The following RIC1 variants were observed in gnomAD, a reference collection of about 807,000 sequenced individuals.
RIC1 encodes guanine nucleotide exchange factor subunit RIC1.
A neutral mutation model predicts 169.0 loss-of-function variants in RIC1; 88 were observed. The observed-to-expected ratio is 0.52, with a 90% CI of 0.44 to 0.62. RIC1 has a LOEUF of 0.62. Ranked by LOEUF, RIC1 falls within the 20% of genes least tolerant of loss-of-function variation. The probability of loss-of-function intolerance (pLI) is 0.00; values close to 1 mark genes in which losing one functional copy is unlikely to be tolerated. For missense variants in RIC1, 1,877 were observed against 1,725.5 expected (o/e 1.09, Z -1.56); for synonymous variants, 790 against 601.5 (o/e 1.31, Z -4.59).
rs559930847 is a variant in RIC1, at chr9:5,775,830, G to T, written c.*1584G>T. 1 of 152,176 alleles carries T rather than the reference G, an allele frequency of 6.6e-6. No individual in the cohort carries two copies. Among genetic ancestry groups the T allele is most frequent in the Admixed American group, 6.5e-5 (1 of 15,284 alleles). 9.4% of individuals were successfully genotyped at this position (152,176 alleles called of 1,614,324 possible). ...AAAATGAAACTCCCGAATGGGTGGA[G>T]TATGTGATTATTGGTACCTGGTCCT... On this transcript the variant is annotated 3_prime_UTR_variant, in exon 26 of 26. Coordinates refer to ENST00000414202, the MANE Select transcript of RIC1 (RefSeq NM_020829.4).
chr9:5,705,145 G>A (rs556113855), intron 3 of RIC1, among the ~76,000 whole-genome samples: 11 of 145,808 alleles, frequency 7.5e-5, no homozygotes, highest in Non-Finnish European at 1.5e-4. Flanking sequence ...GCTCTTCGGG[G>A]TTCCTTGCCT....
chr9:5,770,020 T>C (rs765618886), intron 22 of RIC1, 67 bp from the exon 23 acceptor site: 33 of 1,384,208 alleles, frequency 2.4e-5, no homozygotes, highest in African/African-American at 2.9e-5. Flanking sequence ...AAGAGCTGAA[T>C]TGAAAATGTC....
intron 3 of RIC1, among the ~76,000 whole-genome samples, chr9:5,705,691 C>A (rs1165074617): frequency 1.3e-5 from 2 of 152,166 alleles, no homozygotes; most frequent in Non-Finnish European, 2.9e-5. Context: ...GTGAGAGCAG[C>A]ATTCTTGTCT....
rs943083331 is a variant in RIC1 at position 5,738,332 on chromosome 9, G to C, written c.813-118G>C. The C allele has an allele frequency of 6.0e-6, 4 of 668,922 alleles. No individual in the cohort carries two copies. The African/African-American group carries it at 7.5e-5, about 13-fold the overall frequency. The allele number at this position is 668,922 out of a possible 1,614,324, so 41.4% of individuals were successfully genotyped here. A position where few individuals can be genotyped will look rare whatever the true frequency, so the allele number is the denominator to read the frequency against. On this transcript the variant is annotated intron_variant, in intron 7 of 25. Coordinates refer to ENST00000414202, the MANE Select transcript of RIC1 (RefSeq NM_020829.4). ...ATTTATGAGATGACTGCAACTTATT[G>C]ACAAAGTGGTTTTGTTCTAGTTTAC...
At chr9:5,674,693 A>G (rs60655974) in intron 2 of RIC1, among the ~76,000 whole-genome samples, 7,992 of 152,286 alleles carry the variant, frequency 0.052, 275 homozygotes, top group African/African-American at 0.096. Context: ...ACGAATACAT[A>G]ATTGACTATT....
Position 5,763,251 on chromosome 9 carries a change from G to C in RIC1, c.2224G>C (p.Gly742Arg). The C allele has an allele frequency of 6.2e-7, 1 of 1,614,122 alleles. No homozygotes were observed. The highest frequency in any genetic ancestry group is 8.5e-7 in the Non-Finnish European group (1 of 1,180,010). ...TCTGGAGGCCCTCTGGCTGAGCTGT[G>C]GTGGTGCAGGGATGAAAGTTTGGCT... ...HLLEALWLSC[G>R]GAGMKVWLPL... Residue 742 changes from glycine to arginine, a missense_variant, in exon 19 of 26, where the codon GGT (glycine) becomes CGT (arginine). Around this residue, in one of 3 missense-constraint regions of RIC1, gnomAD observed 1,104 missense variants for 992.0 expected, o/e 1.11. Transcript: ENST00000414202. This position sits in a 1 kb window ranked among gnomAD's most constrained non-coding sequence, Gnocchi z 5.2.
At chr9:5,736,924 G>C (rs182643992) in intron 7 of RIC1, among the ~76,000 whole-genome samples, 12 of 151,732 alleles carry the variant, frequency 7.9e-5, no homozygotes. Context: ...GAAGAGGTAG[G>C]ACCTGGATGG....
At chr9:5,656,422 T>C (rs1819101974) in intron 1 of RIC1, among the ~76,000 whole-genome samples, 161 bp from the exon 2 acceptor site, 1 of 152,216 alleles carries the variant, frequency 6.6e-6, no homozygotes, top group Non-Finnish European at 1.5e-5. Flanking sequence ...TTTGTTTTGG[T>C]TGATATGCTT....
chr9:5,714,070 G>T, intron 4 of RIC1, 67 bp downstream of exon 4: 1 of 960,846 alleles, frequency 1.0e-6, no homozygotes, highest in South Asian at 1.7e-5. Context: ...TAAATCCCAT[G>T]ACCAACAGGA....
chr9:5,730,267 A>G (rs1350565570), intron 6 of RIC1, among the ~76,000 whole-genome samples: 1 of 152,180 alleles, frequency 6.6e-6, no homozygotes, highest in Non-Finnish European at 1.5e-5. Flanking sequence ...GAGAAAAAAT[A>G]TATTTTTTAA....
chr9:5,734,283 T>G (rs1001403289), intron 7 of RIC1, among the ~76,000 whole-genome samples: 4 of 151,722 alleles, frequency 2.6e-5, no homozygotes, highest in African/African-American at 9.7e-5. Flanking sequence ...ATTTTTGTAT[T>G]TTTAGTAGAA....
chr9:5,771,082 C>T (rs1426541070), intron 23 of RIC1, among the ~76,000 whole-genome samples: 1 of 152,160 alleles, frequency 6.6e-6, no homozygotes, highest in African/African-American at 2.4e-5. Context: ...GTAGAATACA[C>T]AATTTAACAG....
intron 1 of RIC1, among the ~76,000 whole-genome samples, chr9:5,648,432 C>T (rs1818639283): frequency 6.6e-6 from 1 of 152,070 alleles, no homozygotes; most frequent in Non-Finnish European, 1.5e-5. Flanking sequence ...TGTTGGTGGA[C>T]ACTTAGGTTG....
At chr9:5,770,015 C>G (rs1827092150) in intron 22 of RIC1, 72 bp from the exon 23 acceptor site, 2 of 1,346,148 alleles carry the variant, frequency 1.5e-6, no homozygotes, top group Non-Finnish European at 2.0e-6. Context: ...GCTAAAAGAG[C>G]TGAATTGAAA....
At chr9:5,710,646 A>C (rs555518178) in intron 3 of RIC1, among the ~76,000 whole-genome samples, 1 of 152,348 alleles carries the variant, frequency 6.6e-6, no homozygotes, top group African/African-American at 2.4e-5. Flanking sequence ...GTAACTTAGA[A>C]ACACATACCA....
At chr9:5,672,208 G>C (rs1370923424) in intron 2 of RIC1, among the ~76,000 whole-genome samples, 2 of 152,096 alleles carry the variant, frequency 1.3e-5, no homozygotes, top group Admixed American at 6.5e-5. Context: ...CCACATCAAA[G>C]CCTAACCTCT....
At position 5,726,487 on chromosome 9, in the gene RIC1, T is replaced by C. The variant is rs543614535; in HGVS notation, c.720+5737T>C. Reference sequence around the variant, plus strand: ...AGGTCTCCAGAATACAGCACAATGATGGGTCTTGACACTTTATCCAATTTG... The same window carrying C: ...AGGTCTCCAGAATACAGCACAATGACGGGTCTTGACACTTTATCCAATTTG... On this transcript the variant is annotated intron_variant, in intron 6 of 25. Coordinates refer to ENST00000414202, the MANE Select transcript of RIC1 (RefSeq NM_020829.4). Among the ~76,000 whole-genome samples, 48 of 152,342 alleles carry C rather than the reference T, an allele frequency of 3.2e-4. No homozygotes were observed. In the South Asian group the frequency reaches 4.8e-3, roughly 15 times the overall value.
chr9:5,654,495 A>G (rs566941551), intron 1 of RIC1, among the ~76,000 whole-genome samples: 18 of 151,282 alleles, frequency 1.2e-4, no homozygotes, highest in Admixed American at 2.6e-4. Flanking sequence ...TGATTTGTCT[A>G]TCTTGGCCTC....
intron 10 of RIC1, among the ~76,000 whole-genome samples, chr9:5,745,486 C>T (rs1356322624): frequency 6.6e-6 from 1 of 152,184 alleles, no homozygotes; most frequent in Non-Finnish European, 1.5e-5. Context: ...AGACTCTAGT[C>T]TCACAGCTTC....
Sources: allele counts gnomAD v4.1 joint callset (sites outside exome capture counted in the v4.1 genomes callset), GRCh38; gene constraint gnomAD v4.1.1; regional missense constraint gnomAD v4.1.1; non-coding constraint Gnocchi (gnomAD v3.1); transcripts MANE v1.5; gene names NCBI Gene and HGNC (gene_info 2026-07-23, HGNC 2026-07-21).